Variants in MYO1C observed in about 807,000 individuals in gnomAD.
MYO1C encodes myosin IC.
Under a neutral mutation model 150.8 loss-of-function variants are expected in MYO1C, and 104 were observed. That is an observed-to-expected ratio of 0.69 (90% CI 0.59 to 0.81). The LOEUF is 0.81. Ranked by LOEUF, MYO1C falls within the 30% of genes least tolerant of loss-of-function variation. The pLI is 0.00. For synonymous variants in MYO1C, 663 were observed against 579.9 expected (o/e 1.14, Z -2.06); for missense variants, 1,504 against 1,435.0 (o/e 1.05, Z -0.78).
In MYO1C at chr17:1,470,422, C is replaced by A. The variant is rs773843962; in HGVS notation, c.2366+13G>T. 2.0e-5 allele frequency: 31 copies of A among 1,550,226 alleles called. 2 individuals are homozygous for A. The South Asian group carries it at 3.3e-4, about 17-fold the overall frequency. ...CCTGCTCTGCAGCCCCCACAAGGCA[C>A]CCTGGCGCTCACCGCCGGATGGTCT... On this transcript the variant is annotated intron_variant, in intron 23 of 31. Coordinates refer to ENST00000648651, the MANE Select transcript of MYO1C (RefSeq NM_001080779.2).
chr17:1,489,976 G>A (rs908497602), intron 1 of MYO1C, among the ~76,000 whole-genome samples: 3 of 145,976 alleles, frequency 2.1e-5, no homozygotes, highest in African/African-American at 7.7e-5. Context: ...GGAGGAAGAG[G>A]TTGCAGAGAG....
chr17:1,474,578 C>T (rs529514119), intron 17 of MYO1C, 32 bp downstream of exon 17: 2 of 1,601,820 alleles, frequency 1.2e-6, no homozygotes, highest in African/African-American at 1.3e-5. Context: ...CAGGCGCATG[C>T]ACCCCTGCGC....
In MYO1C at chr17:1,482,873, G is replaced by A. The variant is rs1401962450; in HGVS notation, c.534C>T (p.Asn178=). 1 of 1,214,916 alleles carries A rather than the reference G, an allele frequency of 8.2e-7. No homozygotes were observed. The highest frequency in any genetic ancestry group is 1.1e-6 in the Non-Finnish European group (1 of 930,962). 75.3% of individuals were successfully genotyped at this position (1,214,916 alleles called of 1,614,324 possible). Reference sequence around the variant, plus strand: ...CCCTGCCCCTCACCTCCAGCACCGGGTTGCTCTGTAGCAGCCGGTCCCGCA... The same window carrying A: ...CCCTGCCCCTCACCTCCAGCACCGGATTGCTCTGTAGCAGCCGGTCCCGCA... The part of the protein sequence containing the change: ...GAVRDRLLQS[N]PVLEAFGNAK... The change falls in exon 4 of 32, where the codon AAC becomes AAT. Residue 178 remains asparagine (N), a synonymous_variant. Coordinates refer to ENST00000648651, the MANE Select transcript of MYO1C (RefSeq NM_001080779.2).
At chr17:1,490,019 G>C (rs948980114) in intron 1 of MYO1C, among the ~76,000 whole-genome samples, 7 of 131,514 alleles carry the variant, frequency 5.3e-5, no homozygotes, top group Non-Finnish European at 7.7e-5. Flanking sequence ...CAGACTGAGT[G>C]ACAGAGACAC....
chr17:1,474,090 T>C (rs1403220888), intron 17 of MYO1C, among the ~76,000 whole-genome samples: 1 of 149,224 alleles, frequency 6.7e-6, no homozygotes, highest in Non-Finnish European at 1.5e-5. Context: ...CAGCCCACAC[T>C]GAAGACACAC....
intron 1 of MYO1C, chr17:1,485,194 C>T (rs2074626230): frequency 1.7e-6 from 2 of 1,185,612 alleles, no homozygotes; most frequent in Non-Finnish European, 2.1e-6. Flanking sequence ...GACCCTCGCC[C>T]CACAACCAGG....
In MYO1C at chr17:1,472,157, G is replaced by T; in HGVS notation, c.1869C>A (p.Val623=). The T allele has an allele frequency of 6.2e-7, 1 of 1,614,168 alleles. No individual in the cohort carries two copies. The change falls in exon 18 of 32, where the codon GTC becomes GTA. Residue 623 remains valine, a synonymous_variant. Transcript: ENST00000648651. ...TGGCATCATTGGGTTTGATGCAGCG[G>T]ACGTAGGCGGGCTCCTTAGACTGCA... ...EILQSKEPAY[V]RCIKPNDAKQ...
In MYO1C at chr17:1,475,052, A is replaced by G; in HGVS notation, c.1575-20T>C. Reference sequence around the variant, plus strand: ...TTGTGCCTGGGGGTGACAGGGAGGAAGCTGCAGATGGCTGCCGGCCTGAGC... The same window carrying G: ...TTGTGCCTGGGGGTGACAGGGAGGAGGCTGCAGATGGCTGCCGGCCTGAGC... On this transcript the variant is annotated intron_variant, in intron 14 of 31. Transcript: ENST00000648651. 1 of 1,550,180 alleles carries G rather than the reference A, an allele frequency of 6.5e-7. No individual in the cohort carries two copies. The highest frequency in any genetic ancestry group is 8.7e-7 in the Non-Finnish European group (1 of 1,146,670).
intron 1 of MYO1C, among the ~76,000 whole-genome samples, chr17:1,486,592 T>A (rs968061747): frequency 6.6e-6 from 1 of 151,544 alleles, no homozygotes; most frequent in African/African-American, 2.4e-5. Context: ...CTCGGCTCAC[T>A]GCAACCTCTG....
At chr17:1,490,668 T>A (rs1243089298) in intron 1 of MYO1C, among the ~76,000 whole-genome samples, 1 of 152,096 alleles carries the variant, frequency 6.6e-6, no homozygotes, top group African/African-American at 2.4e-5. Context: ...AGTGAAGGTT[T>A]AGGACACCCT....
intron 31 of MYO1C, 131 bp downstream of exon 31, chr17:1,467,110 AG>A: frequency 1.2e-6 from 1 of 867,070 alleles, no homozygotes; most frequent in Non-Finnish European, 1.9e-6. Context: ...GGGTGGGCCA[AG>A]GGATGGAAGA....
chr17:1,478,352 G>T lies in MYO1C; in HGVS notation c.1295+58C>A. ...GGCAGGAATGAGAGGCTGGAGGACA[G>T]AAGAGAGGGAGCAGGACAGGAGACC... is the stretch of plus-strand genomic sequence containing the variant. On this transcript the variant is annotated intron_variant, in intron 11 of 31. Transcript: ENST00000648651. The surrounding 1 kb of genome is among the most constrained non-coding windows in gnomAD (Gnocchi z 6.3). 7 of 1,603,736 alleles carry T rather than the reference G, an allele frequency of 4.4e-6. No individual in the cohort carries two copies. The highest frequency in any genetic ancestry group is 4.3e-6 in the Non-Finnish European group (5 of 1,170,568).
At chr17:1,470,562 A>G (rs1172345633) in intron 22 of MYO1C, 43 bp from the exon 23 acceptor site, 5 of 1,570,944 alleles carry the variant, frequency 3.2e-6, no homozygotes, top group Non-Finnish European at 3.5e-6. Context: ...TCTTCTTACC[A>G]TGGTGGCCCC....
chr17:1,475,181 G>T, intron 14 of MYO1C, 149 bp from the exon 15 acceptor site: 1 of 766,642 alleles, frequency 1.3e-6, no homozygotes, highest in Non-Finnish European at 2.2e-6. Context: ...AGCAGTTGGG[G>T]AGGCCGAGGT....
intron 14 of MYO1C, among the ~76,000 whole-genome samples, chr17:1,475,314 G>A (rs1598331970): frequency 6.6e-6 from 1 of 152,172 alleles, no homozygotes; most frequent in Non-Finnish European, 1.5e-5. Context: ...AGCTACTCAG[G>A]AGGCTGACAA....
At chr17:1,471,410 G>A (rs1209472735) in intron 19 of MYO1C, 74 bp from the exon 20 acceptor site, 7 of 1,252,492 alleles carry the variant, frequency 5.6e-6, no homozygotes, top group East Asian at 4.9e-5. Flanking sequence ...GCTTTCTCTG[G>A]GCACCTGCTG....
intron 25 of MYO1C, 151 bp downstream of exon 25, chr17:1,469,380 A>AGGGTAAATACGGTAGACCG: frequency 1.7e-6 from 1 of 593,340 alleles, no homozygotes; most frequent in Non-Finnish European, 3.0e-6. Flanking sequence ...AGAGTAGACC[A>AGGGTAAATACGGTAGACCG]GGGTAAATAC....
chr17:1,482,338 C>A (rs372031423), intron 5 of MYO1C, 140 bp downstream of exon 5: 5 of 793,098 alleles, frequency 6.3e-6, no homozygotes, highest in Non-Finnish European at 1.1e-5. Flanking sequence ...TTGTTTATCA[C>A]CCTGGAAGGC....
At position 1,468,717 on chromosome 17, in the gene MYO1C, C is replaced by A; in HGVS notation, c.2611-221G>T. The A allele has an allele frequency of 3.4e-6, 2 of 589,686 alleles. 1 individual carries two copies. The highest frequency in any genetic ancestry group is 6.1e-6 in the Non-Finnish European group (2 of 329,920). 36.5% of individuals were successfully genotyped at this position (589,686 alleles called of 1,614,324 possible). On this transcript the variant is annotated intron_variant, in intron 25 of 31. Coordinates refer to ENST00000648651, the MANE Select transcript of MYO1C (RefSeq NM_001080779.2). ...ACTCCCCAGCGGGGTCATGAAGGCA[C>A]TGCGGGGTTTTGAAACTGGCCTTGG... is the stretch of plus-strand genomic sequence containing the variant.
Sources: gnomAD v4.1 joint callset for allele counts (sites outside exome capture counted in the v4.1 genomes callset) on GRCh38, gnomAD v4.1.1 for gene constraint, Gnocchi (gnomAD v3.1) non-coding constraint, MANE v1.5 for transcripts, NCBI Gene and HGNC (gene_info 2026-07-23, HGNC 2026-07-21) for gene names.